The following SCOC variants were observed in gnomAD, a reference collection of about 807,000 sequenced individuals.
SCOC encodes short coiled-coil protein, also known as short coiled coil protein.
In SCOC, 7 loss-of-function variants were observed where a neutral mutation model predicts 9.9. The ratio of observed to expected loss-of-function variants is 0.71; its 90% CI spans 0.40 to 1.33. SCOC has a LOEUF of 1.33. SCOC is among the 40% of genes most tolerant of loss of function. The pLI is 0.01. For synonymous variants in SCOC, 19 were observed against 28.2 expected, an observed-to-expected ratio of 0.67 and a Z score of 1.03; for missense variants, 66 against 89.7, an observed-to-expected ratio of 0.74 and a Z score of 1.07.
At chr4:140,274,254 A>G (rs964822824) in intron 1 of SCOC, among the ~76,000 whole-genome samples, 2 of 152,250 alleles carry the variant, frequency 1.3e-5, no homozygotes, top group Non-Finnish European at 2.9e-5. Context: ...GACATAGATT[A>G]TGAGAAAGGA....
In SCOC at chr4:140,285,045, G is replaced by T. The variant is rs1731225942; in HGVS notation, c.-19+27635G>T. On this transcript the variant is annotated intron_variant, in intron 1 of 4. Coordinates refer to the SCOC transcript ENST00000394205. ...GCACTTTCACTGTGTGCCAGCCATT[G>T]TGTTAAAAGCTTTCCATGCATTATT... is the stretch of plus-strand genomic sequence containing the variant. 1.0e-5 allele frequency: 4 copies of T among 381,096 alleles called. No individual in the cohort carries two copies. The Admixed American group carries it at 1.2e-4, about 11-fold the overall frequency. 23.6% of individuals were successfully genotyped at this position (381,096 alleles called of 1,614,324 possible). A position where few individuals can be genotyped will look rare whatever the true frequency, so the allele number is the denominator to read the frequency against.
rs777046973 is a variant in SCOC at position 140,343,698 on chromosome 4, A to C, written c.60A>C (p.Ala20=). 1.9e-6 allele frequency: 3 copies of C among 1,612,798 alleles called. No homozygotes were observed. The South Asian group carries it at 3.3e-5, about 18-fold the overall frequency. The change falls in exon 2 of 5, where the codon GCA becomes GCC. Residue 20 remains alanine (A), a synonymous_variant. Transcript: ENST00000338517. ...GCACATTCACCAACATTTCTCTTGC[A>C]GATGACATAGGTAAGGAAAAAATGG...
At chr4:140,372,090 T>C (rs777130905), upstream of SCOC, among the ~76,000 whole-genome samples, 18 of 152,150 alleles carry the variant, frequency 1.2e-4, no homozygotes, top group Non-Finnish European at 2.6e-4. Flanking sequence ...AGTAAGATGA[T>C]TACTGCCAGA....
At chr4:140,331,194 A>G (rs192762321) in intron 1 of SCOC, among the ~76,000 whole-genome samples, 26 of 152,328 alleles carry the variant, frequency 1.7e-4, no homozygotes, top group Non-Finnish European at 2.9e-4. Flanking sequence ...TATAAAATGC[A>G]TTTCCAAGAC....
chr4:140,340,808 T>TTTTTTTTTTTTTC (rs140552446), upstream of SCOC, among the ~76,000 whole-genome samples: 4 of 111,814 alleles, frequency 3.6e-5, no homozygotes, highest in African/African-American at 6.2e-5. Context: ...TTTTTTTTTT[T>TTTTTTTTTTTTTC]AGAGGGATAG....
At chr4:140,288,717 C>G (rs1160626206) in intron 1 of SCOC, among the ~76,000 whole-genome samples, 3 of 152,076 alleles carry the variant, frequency 2.0e-5, no homozygotes, top group African/African-American at 7.2e-5. Context: ...CCTACACACA[C>G]ATATACAAGT....
chr4:140,309,952 T>C (rs989398943), intron 1 of SCOC, among the ~76,000 whole-genome samples: 9 of 152,188 alleles, frequency 5.9e-5, no homozygotes, highest in South Asian at 4.1e-4. Flanking sequence ...TTTCATTGCC[T>C]CCTTAGGTGG....
chr4:140,336,890 A>T lies in SCOC; in HGVS notation c.-18-6731A>T, dbSNP rs534342351. 2.2e-3 allele frequency among the ~76,000 whole-genome samples: 336 copies of T among 152,328 alleles called. 1 individual carries two copies. The highest frequency in any genetic ancestry group is 3.9e-3 in the Non-Finnish European group (268 of 68,018). Reference sequence around the variant, plus strand: ...TTTCTCCATATCTTCACCAATGCTTAATTCCCATTTTGTTTTGTTTTCATT... The same window carrying T: ...TTTCTCCATATCTTCACCAATGCTTTATTCCCATTTTGTTTTGTTTTCATT... On this transcript the variant is annotated intron_variant, in intron 1 of 4. Transcript: ENST00000394205.
At chr4:140,376,464 T>A (rs560212829) in intron 1 of SCOC, 2 of 151,882 alleles carry the variant, frequency 1.3e-5, no homozygotes, top group South Asian at 4.2e-4. Flanking sequence ...CAGTGGGCGG[T>A]TTTTTCACTG....
chr4:140,308,220 A>T (rs1732047000), intron 1 of SCOC, among the ~76,000 whole-genome samples: 1 of 152,210 alleles, frequency 6.6e-6, no homozygotes, highest in African/African-American at 2.4e-5. Flanking sequence ...GCTAGTAATT[A>T]AAAATTGGCA....
At chr4:140,346,710 C>T (rs11945466) in intron 2 of SCOC, among the ~76,000 whole-genome samples, 30,576 of 152,042 alleles carry the variant, frequency 0.2, 3,360 homozygotes, top group South Asian at 0.32. Flanking sequence ...TTTACTTGTA[C>T]GTGAGTTGTA....
At chr4:140,347,150 T>C (rs1726772742) in intron 2 of SCOC, among the ~76,000 whole-genome samples, 3 of 152,202 alleles carry the variant, frequency 2.0e-5, no homozygotes, top group African/African-American at 7.2e-5. Context: ...TTTCTTTCAA[T>C]TTAGGTACAG....
At chr4:140,286,029 A>G (rs912652482) in intron 1 of SCOC, among the ~76,000 whole-genome samples, 1 of 152,032 alleles carries the variant, frequency 6.6e-6, no homozygotes, top group Non-Finnish European at 1.5e-5. Context: ...TACTAAAAAT[A>G]CAAAAATTAG....
intron 1 of SCOC, among the ~76,000 whole-genome samples, chr4:140,272,906 T>C (rs1730880820): frequency 6.6e-6 from 1 of 152,210 alleles, no homozygotes; most frequent in African/African-American, 2.4e-5. Flanking sequence ...GTCTAAGAAA[T>C]GTTCTGATTA....
intron 1 of SCOC, among the ~76,000 whole-genome samples, chr4:140,305,876 G>T (rs1731965195): frequency 6.6e-6 from 1 of 152,182 alleles, no homozygotes; most frequent in Admixed American, 6.5e-5. Context: ...GCTAGAGTCA[G>T]GGGGACCTTT....
chr4:140,362,285 T>C (rs11730337), intron 2 of SCOC, among the ~76,000 whole-genome samples: 14 of 17,780 alleles, frequency 7.9e-4, no homozygotes, highest in African/African-American at 4.1e-3. Flanking sequence ...TTACTTCTTC[T>C]TCTTCTTCTT....
At chr4:140,340,480 G>T (rs1157893543), upstream of SCOC, among the ~76,000 whole-genome samples, 1 of 151,054 alleles carries the variant, frequency 6.6e-6, no homozygotes, top group Non-Finnish European at 1.5e-5. Context: ...AAAAAGAAAA[G>T]AAAATGTGGT....
At chr4:140,335,300 C>T (rs1447299420) in intron 1 of SCOC, among the ~76,000 whole-genome samples, 1 of 152,134 alleles carries the variant, frequency 6.6e-6, no homozygotes, top group African/African-American at 2.4e-5. Flanking sequence ...CATGAGCAAG[C>T]CATTTTGTCC....
chr4:140,359,710 C>A (rs1727379891), intron 2 of SCOC, among the ~76,000 whole-genome samples: 1 of 152,216 alleles, frequency 6.6e-6, no homozygotes, highest in Non-Finnish European at 1.5e-5. Context: ...AATATGACAT[C>A]AGACTCAGGC....
Sources: allele counts gnomAD v4.1 joint callset (sites outside exome capture counted in the v4.1 genomes callset), GRCh38; gene constraint gnomAD v4.1.1; transcripts MANE v1.5; gene names NCBI Gene and HGNC (gene_info 2026-07-23, HGNC 2026-07-21).